MYH13: variants seen among roughly 807,000 people sequenced by gnomAD.
MYH13 encodes myosin-13.
A neutral mutation model predicts 232.1 loss-of-function variants in MYH13; 177 were observed. The observed-to-expected ratio is 0.76, with a 90% CI of 0.67 to 0.86. MYH13 has a LOEUF of 0.86. MYH13 is among the 40% of genes least tolerant of loss of function. The pLI, the probability that MYH13 is intolerant of heterozygous loss-of-function variation, is 0.00. For missense variants in MYH13, 2,246 were observed against 2,405.9 expected (o/e 0.93, Z 1.39); for synonymous variants, 884 against 923.5 (o/e 0.96, Z 0.78).
chr17:10,336,475 CAT>C (rs1463256347), intron 18 of MYH13, among the ~76,000 whole-genome samples: 1 of 152,170 alleles, frequency 6.6e-6, no homozygotes. Context: ...GATGATCCGG[CAT>C]CATGGGGCCT....
intron 32 of MYH13, 106 bp from the exon 33 acceptor site, chr17:10,311,333 C>A: frequency 2.1e-6 from 3 of 1,411,814 alleles, no homozygotes; most frequent in Non-Finnish European, 2.9e-6. Context: ...GACATTTATA[C>A]AGGAGAGAAT....
rs540456517 is a variant in MYH13, at chr17:10,372,666, A to G, written c.-64+313T>C. 2.0e-5 allele frequency among the ~76,000 whole-genome samples: 3 copies of G among 152,370 alleles called. No individual in the cohort carries two copies. The South Asian group carries it at 6.2e-4, about 32-fold the overall frequency. The stretch of plus-strand genomic sequence containing the variant: ...CCACAAGTTACCAAGTTAATTTGCT[A>G]ACTGAACAGTATAACATTGACCTAA... On this transcript the variant is annotated intron_variant, in intron 1 of 40. Coordinates refer to ENST00000252172, the MANE Select transcript of MYH13 (RefSeq NM_003802.3).
Position 10,324,260 on chromosome 17 carries a change from G to A in MYH13, c.2696C>T (p.Thr899Ile), listed in dbSNP as rs1031387627. ...TTCCTCAGCGTCCATCAGATTTTCTGTTTCCTGAAAGAACCAGGTCATTTT... is the reference window on the plus strand; with the variant it reads ...TTCCTCAGCGTCCATCAGATTTTCTATTTCCTGAAAGAACCAGGTCATTTT... ...NDLQLQVQSE[T>I]ENLMDAEERC... Residue 899 changes from threonine to isoleucine, a missense_variant, in exon 23 of 41, where the codon ACA becomes ATA. Thr to Ile is a moderately conservative substitution (Grantham distance 89, BLOSUM62 -1). Transcript: ENST00000252172. 4 of 1,613,086 alleles carry A rather than the reference G, an allele frequency of 2.5e-6. No homozygotes were observed. The highest frequency in any genetic ancestry group is 1.1e-5 in the South Asian group (1 of 90,864).
intron 23 of MYH13, among the ~76,000 whole-genome samples, chr17:10,323,305 C>T (rs1907046586): frequency 6.6e-6 from 1 of 152,178 alleles, no homozygotes; most frequent in Non-Finnish European, 1.5e-5. Flanking sequence ...TCAGTCAATC[C>T]TTGGTGTTAT....
chr17:10,326,872 G>A (rs1236263509), intron 22 of MYH13, among the ~76,000 whole-genome samples: 1 of 149,616 alleles, frequency 6.7e-6, no homozygotes, highest in Non-Finnish European at 1.5e-5. Context: ...CTGGAGTGCA[G>A]TGGCATGTTC....
intron 35 of MYH13, among the ~76,000 whole-genome samples, chr17:10,307,587 A>G (rs935268711): frequency 1.3e-5 from 2 of 152,190 alleles, no homozygotes; most frequent in East Asian, 1.9e-4. Context: ...ATGTGATAAA[A>G]TGTTCCACCT....
At chr17:10,301,468 C>T in intron 40 of MYH13, 101 bp downstream of exon 40, 3 of 1,545,810 alleles carry the variant, frequency 1.9e-6, no homozygotes, top group Non-Finnish European at 2.6e-6. Flanking sequence ...CAGGTACCTG[C>T]CCTTATCTGG....
chr17:10,345,469 C>T lies in MYH13; in HGVS notation c.1411G>A (p.Asp471Asn), dbSNP rs764041996. 2 of 1,614,202 alleles carry T rather than the reference C, an allele frequency of 1.2e-6. No homozygotes were observed. Among genetic ancestry groups the T allele is most frequent in the Non-Finnish European group, 1.7e-6 (2 of 1,180,028 alleles). Residue 471 changes from aspartate to asparagine, a missense_variant and splice_region_variant, in exon 14 of 41, where the codon GAT becomes AAT. Transcript: ENST00000252172. ...GAAAGTAGAAGGTCACAACTCACAT[C>T]AAAGATCTCAAAGCCAGCAATGTCC... is the stretch of plus-strand genomic sequence containing the variant. Reference protein sequence around the residue: ...VLDIAGFEIFDFNSLEQLCIN... With the variant: ...VLDIAGFEIFNFNSLEQLCIN...
At chr17:10,336,764 C>A (rs747235919) in intron 18 of MYH13, among the ~76,000 whole-genome samples, 11 of 152,154 alleles carry the variant, frequency 7.2e-5, no homozygotes, top group Non-Finnish European at 1.5e-4. Flanking sequence ...GCTGAACCTG[C>A]TTGGCCTGTT....
At chr17:10,361,507 T>C (rs931453505) in intron 5 of MYH13, among the ~76,000 whole-genome samples, 1 of 152,182 alleles carries the variant, frequency 6.6e-6, no homozygotes, top group Admixed American at 6.5e-5. Flanking sequence ...TTGGCCAGGC[T>C]GGCCCCGAAC....
chr17:10,318,746 C>T (rs372373754), intron 27 of MYH13, 44 bp downstream of exon 27: 131 of 1,607,248 alleles, frequency 8.2e-5, no homozygotes, highest in East Asian at 2.0e-4. Context: ...AGGTGGCCGT[C>T]GGCTGCCTTG....
At chr17:10,319,507 T>G (rs1185493845) in intron 26 of MYH13, among the ~76,000 whole-genome samples, 1 of 43,860 alleles carries the variant, frequency 2.3e-5, no homozygotes, top group African/African-American at 9.6e-5. Context: ...AGACTCGGTC[T>G]CAAAAAAAAA....
chr17:10,316,249 T>G (rs925059818), intron 27 of MYH13, among the ~76,000 whole-genome samples: 1 of 152,072 alleles, frequency 6.6e-6, no homozygotes. Flanking sequence ...TCACCTGAGG[T>G]CAGGAGTTTG....
chr17:10,306,320 C>A lies in MYH13; in HGVS notation c.5466+139G>T. The stretch of plus-strand genomic sequence containing the variant: ...AGAAAGAGGTGAGAAATGAAGCTCA[C>A]AGGGAATTTTTCAAGCAGTCCTGAA... On this transcript the variant is annotated intron_variant, in intron 37 of 40. Coordinates refer to ENST00000252172, the MANE Select transcript of MYH13 (RefSeq NM_003802.3). This position sits in a 1 kb window ranked among gnomAD's most constrained non-coding sequence, Gnocchi z 4.3. The A allele has an allele frequency of 8.5e-7, 1 of 1,175,848 alleles. No individual in the cohort carries two copies. The highest frequency in any genetic ancestry group is 1.2e-6 in the Non-Finnish European group (1 of 831,422). The allele number at this position is 1,175,848 out of a possible 1,614,324, so 72.8% of individuals were successfully genotyped here. A position where few individuals can be genotyped will look rare whatever the true frequency, so the allele number is the denominator to read the frequency against.
chr17:10,303,419 C>A lies in MYH13; in HGVS notation c.5546G>T (p.Arg1849Leu). The A allele has an allele frequency of 1.9e-6, 3 of 1,613,944 alleles. No individual in the cohort carries two copies. Among genetic ancestry groups the A allele is most frequent in the Non-Finnish European group, 2.5e-6 (3 of 1,179,874 alleles). Residue 1849 changes from arginine (R) to leucine (L), a missense_variant, in exon 38 of 41, where the codon CGC becomes CTC. By Grantham distance (102) the Arg-to-Leu change is moderately radical. Transcript: ENST00000252172. ...CTGGTAAGTCATCTCCTTGACTTTG[C>A]GTTCGTACTTGTGGGCTCCCTTCAG... The part of the protein sequence containing the change: ...EALKGAHKYE[R>L]KVKEMTYQAE...
intron 27 of MYH13, among the ~76,000 whole-genome samples, chr17:10,316,532 A>G (rs1906720364): frequency 6.6e-6 from 1 of 152,186 alleles, no homozygotes; most frequent in East Asian, 1.9e-4. Flanking sequence ...AACATCAGGT[A>G]GATAAGTATT....
At chr17:10,325,646 G>C (rs1282217323) in intron 22 of MYH13, among the ~76,000 whole-genome samples, 1 of 152,112 alleles carries the variant, frequency 6.6e-6, no homozygotes, top group Non-Finnish European at 1.5e-5. Context: ...TCTAAATCGG[G>C]CTATATCTTC....
rs551048921 is a variant in MYH13 at position 10,301,042 on chromosome 17, C to A, written c.5803-77G>T. On this transcript the variant is annotated intron_variant, in intron 40 of 40. Coordinates refer to ENST00000252172, the MANE Select transcript of MYH13 (RefSeq NM_003802.3). ...GACTGAACATCATCTTGAAGTGAAG[C>A]AGCTGGAAAATCTGGAACTTCAGAG... 3.0e-6 allele frequency: 4 copies of A among 1,342,292 alleles called. No homozygotes were observed. The South Asian group carries it at 4.8e-5, about 16-fold the overall frequency. 83.1% of individuals were successfully genotyped at this position (1,342,292 alleles called of 1,614,324 possible). A position where few individuals can be genotyped will look rare whatever the true frequency, so the allele number is the denominator to read the frequency against.
At chr17:10,320,878 C>T (rs987566001) in intron 24 of MYH13, among the ~76,000 whole-genome samples, 1 of 152,216 alleles carries the variant, frequency 6.6e-6, no homozygotes, top group African/African-American at 2.4e-5. Context: ...CACGCCTTGC[C>T]TGCTAACATT....
Sources: allele counts gnomAD v4.1 joint callset (sites outside exome capture counted in the v4.1 genomes callset), GRCh38; gene constraint gnomAD v4.1.1; non-coding constraint Gnocchi (gnomAD v3.1); transcripts MANE v1.5; gene names NCBI Gene and HGNC (gene_info 2026-07-23, HGNC 2026-07-21).